Variants in OTC observed in about 807,000 individuals in gnomAD.
The protein encoded by OTC is ornithine transcarbamylase, mitochondrial.
In OTC, 3 loss-of-function variants were observed where a neutral mutation model predicts 30.3. The observed-to-expected ratio is 0.10, with a 90% CI of 0.05 to 0.26. The LOEUF (loss-of-function observed/expected upper bound fraction) is 0.26. Among genes scored for constraint, OTC ranks in the 10% least tolerant of loss-of-function variants. OTC has a pLI of 1.00. For missense variants in OTC, 194 were observed against 260.3 expected (o/e 0.75, Z 1.75); for synonymous variants, 111 against 99.7 (o/e 1.11, Z -0.67).
chrX:38,411,929 A>T lies in OTC; in HGVS notation c.935A>T (p.Asp312Val). The part of the protein sequence containing the change: ...HCLPRKPEEV[D>V]DEVFYSPRSL... ...TTGCCCAGAAAGCCAGAAGAAGTGG[A>T]TGATGAAGTCTTTTATTCTCCTCGA... Residue 312 changes from aspartate (D) to valine (V), a missense_variant, in exon 9 of 10, where the codon GAT (aspartate) becomes GTT (valine). Asp to Val is a radical substitution (Grantham distance 152, BLOSUM62 -3). Transcript: ENST00000039007. 2 of 1,209,094 alleles carry T rather than the reference A, an allele frequency of 1.7e-6. No individual in the cohort carries two copies. The highest frequency in any genetic ancestry group is 3.5e-5 in the African/African-American group (2 of 57,763).
At chrX:38,339,466 T>C in the OTC span, among the ~76,000 whole-genome samples, 4 of 109,968 alleles carry the variant, frequency 3.6e-5, no homozygotes, top group Non-Finnish European at 7.6e-5. Context: ...GGTAAACTCC[T>C]GTCACAGGGG....
chrX:38,413,472 G>A (rs766025157), intron 9 of OTC, among the ~76,000 whole-genome samples: 3 of 110,876 alleles, frequency 2.7e-5, no homozygotes, highest in Admixed American at 9.6e-5. Context: ...TAATAACAGG[G>A]ATGATTTTTT....
At chrX:38,387,940 T>C (rs1156603147) in intron 4 of OTC, among the ~76,000 whole-genome samples, 1 of 111,392 alleles carries the variant, frequency 9.0e-6, no homozygotes, top group Non-Finnish European at 1.9e-5. Flanking sequence ...TCCAAACAGT[T>C]TGGGCACAGT....
At chrX:38,371,522 C>T (rs951291824) in intron 3 of OTC, among the ~76,000 whole-genome samples, 4 of 111,778 alleles carry the variant, frequency 3.6e-5, no homozygotes, top group Non-Finnish European at 5.6e-5. Flanking sequence ...CTTTCTAGGG[C>T]TTAGAAGCAA....
At chrX:38,383,691 A>G (rs1238405669) in intron 4 of OTC, among the ~76,000 whole-genome samples, 7 of 110,644 alleles carry the variant, frequency 6.3e-5, no homozygotes, top group Admixed American at 5.8e-4. Context: ...CCAGCTACTC[A>G]GGAGGCTGAG....
intron 4 of OTC, among the ~76,000 whole-genome samples, chrX:38,393,945 T>C (rs2068441634): frequency 9.0e-6 from 1 of 111,457 alleles, no homozygotes. Context: ...TCAAACCTAG[T>C]GTCTTCATAG....
intron 3 of OTC, among the ~76,000 whole-genome samples, chrX:38,370,544 A>C (rs771842123): frequency 1.7e-4 from 19 of 111,693 alleles, no homozygotes; most frequent in African/African-American, 5.9e-4. Flanking sequence ...ACAACCAAGT[A>C]TAAAGGGGTC....
chrX:38,348,554 T>TTTTG (rs2147313700), upstream of OTC, among the ~76,000 whole-genome samples: 1 of 105,114 alleles, frequency 9.5e-6, no homozygotes, highest in South Asian at 4.4e-4. Context: ...TTTTTTTTTT[T>TTTTG]GAGATGGAGT....
chrX:38,354,821 T>C (rs1245751940), intron 1 of OTC, among the ~76,000 whole-genome samples: 1 of 112,084 alleles, frequency 8.9e-6, no homozygotes, highest in Non-Finnish European at 1.9e-5. Context: ...CCTACTGTAT[T>C]GGTTAGTTGC....
chrX:38,375,814 G>A lies in OTC; in HGVS notation c.299-5528G>A, dbSNP rs1229890353. Among the ~76,000 whole-genome samples the A allele has an allele frequency of 4.5e-5, 5 of 111,426 alleles. No homozygotes were observed. In the East Asian group the frequency reaches 1.4e-3, roughly 32 times the overall value. ...TCACCAGCATATAGATGATATTTAA[G>A]GCCATGGGACTGGATACAATTATAA... On this transcript the variant is annotated intron_variant, in intron 3 of 9. Coordinates refer to ENST00000039007, the MANE Select transcript of OTC (RefSeq NM_000531.6).
chrX:38,386,273 A>T (rs5917588), intron 4 of OTC, among the ~76,000 whole-genome samples: 28,122 of 105,356 alleles, frequency 0.27, 3,391 homozygotes, highest in African/African-American at 0.41. Flanking sequence ...CTCAGGAGGC[A>T]GAGGCAGGAG....
chrX:38,344,569 C>G, the OTC span, among the ~76,000 whole-genome samples: 1 of 111,211 alleles, frequency 9.0e-6, no homozygotes, highest in East Asian at 2.8e-4. Context: ...AACCTCAAGC[C>G]TTAGACAAAA....
chrX:38,368,500 A>C (rs1293526564), intron 2 of OTC, among the ~76,000 whole-genome samples: 1 of 110,410 alleles, frequency 9.1e-6, no homozygotes, highest in African/African-American at 3.3e-5. Flanking sequence ...TTAGCAAAGA[A>C]ACAATTAATG....
the OTC span, among the ~76,000 whole-genome samples, chrX:38,344,233 A>G: frequency 6.6e-5 from 1 of 15,086 alleles, no homozygotes; most frequent in Non-Finnish European, 1.4e-4. Context: ...TTGGTGATAT[A>G]TATATATACA....
intron 1 of OTC, among the ~76,000 whole-genome samples, chrX:38,362,604 T>G (rs955341808): frequency 8.9e-6 from 1 of 112,516 alleles, no homozygotes; most frequent in African/African-American, 3.2e-5. Context: ...TCAAATCTTC[T>G]GTCAGTGGAG....
chrX:38,406,129 G>A (rs966361613), intron 6 of OTC, among the ~76,000 whole-genome samples: 1 of 111,748 alleles, frequency 8.9e-6, no homozygotes, highest in Non-Finnish European at 1.9e-5. Flanking sequence ...TAAGAGTTTT[G>A]CAAAGTCTTC....
At chrX:38,418,025 A>G (rs1423574255) in intron 9 of OTC, among the ~76,000 whole-genome samples, 1 of 111,830 alleles carries the variant, frequency 8.9e-6, no homozygotes, top group Non-Finnish European at 1.9e-5. Flanking sequence ...GCTGGATCAT[A>G]TGGGAGTTCT....
chrX:38,381,519 T>G lies in OTC; in HGVS notation c.386+90T>G, dbSNP rs967037259. 1.6e-5 allele frequency: 10 copies of G among 640,793 alleles called. No homozygotes were observed. The African/African-American group carries it at 2.2e-4, about 14-fold the overall frequency. 52.8% of individuals were successfully genotyped at this position (640,793 alleles called of 1,213,427 possible). A position where few individuals can be genotyped will look rare whatever the true frequency, so the allele number is the denominator to read the frequency against. On this transcript the variant is annotated intron_variant, in intron 4 of 9. Transcript: ENST00000039007. ...AAACATAATTCTCTTTAAATAATGGTTTTCCCTCTAATTGTTCTGTTCTCC... is the reference window on the plus strand; with the variant it reads ...AAACATAATTCTCTTTAAATAATGGGTTTCCCTCTAATTGTTCTGTTCTCC...
chrX:38,368,110 C>A (rs1357289476), intron 2 of OTC, among the ~76,000 whole-genome samples: 1 of 44,024 alleles, frequency 2.3e-5, no homozygotes, highest in Admixed American at 2.3e-4. Flanking sequence ...GCCTGTAATC[C>A]CAGCACTTAG....
Sources: gnomAD v4.1 joint callset for allele counts (sites outside exome capture counted in the v4.1 genomes callset) on GRCh38, gnomAD v4.1.1 for gene constraint, MANE v1.5 for transcripts, NCBI Gene and HGNC (gene_info 2026-07-23, HGNC 2026-07-21) for gene names.